Variants in MGST1 observed in about 807,000 individuals in gnomAD.
MGST1 encodes microsomal glutathione S-transferase 1.
A neutral mutation model predicts 8.9 loss-of-function variants in MGST1; 5 were observed. That is an observed-to-expected ratio of 0.56 (90% CI 0.29 to 1.19). The LOEUF (loss-of-function observed/expected upper bound fraction) is 1.19. MGST1 is among the 50% of genes most tolerant of loss of function. The pLI, the probability that MGST1 is intolerant of heterozygous loss-of-function variation, is 0.08. For missense variants in MGST1, 182 were observed against 187.4 expected, an observed-to-expected ratio of 0.97 and a Z score of 0.17; for synonymous variants, 54 against 67.8, an observed-to-expected ratio of 0.80 and a Z score of 1.00.
intron 4 of MGST1, among the ~76,000 whole-genome samples, chr12:16,469,359 T>G (rs904004587): frequency 6.6e-6 from 1 of 151,984 alleles, no homozygotes; most frequent in African/African-American, 2.4e-5. Context: ...CTAATTTTTT[T>G]TGTATTTTTA....
Position 16,362,602 on chromosome 12 carries a change from G to A in MGST1, c.222-1193G>A, listed in dbSNP as rs866747654. The A allele has an allele frequency of 6.6e-6, 1 of 152,130 alleles. No homozygotes were observed. The highest frequency in any genetic ancestry group is 1.5e-5 in the Non-Finnish European group (1 of 68,018). The allele number at this position is 152,130 out of a possible 1,614,324, so 9.4% of individuals were successfully genotyped here. A position where few individuals can be genotyped will look rare whatever the true frequency, so the allele number is the denominator to read the frequency against. On this transcript the variant is annotated intron_variant, in intron 3 of 3. Coordinates refer to ENST00000396210, the MANE Select transcript of MGST1 (RefSeq NM_020300.5). This position sits in a 1 kb window ranked among gnomAD's most constrained non-coding sequence, Gnocchi z 4.4. ...CTCCATTTCTAGCCTAGATTCTAAA[G>A]CAATTTCTAATTCTGTAGACTTAAG...
downstream of MGST1, among the ~76,000 whole-genome samples, chr12:16,591,171 T>C (rs530678916): frequency 6.6e-6 from 1 of 152,118 alleles, no homozygotes; most frequent in African/African-American, 2.4e-5. The surrounding 1 kb of genome is among the most constrained non-coding windows in gnomAD (Gnocchi z 4.1). Flanking sequence ...TGACTACCCC[T>C]TATTCTTGCC....
chr12:16,392,693 G>A (rs539291516), intron 1 of MGST1, among the ~76,000 whole-genome samples: 2 of 152,052 alleles, frequency 1.3e-5, no homozygotes, highest in South Asian at 4.2e-4. Flanking sequence ...AGTCATTTTG[G>A]AATACGGCCA....
chr12:16,465,171 G>A (rs1054657423), intron 4 of MGST1, among the ~76,000 whole-genome samples: 3 of 152,194 alleles, frequency 2.0e-5, no homozygotes, highest in Non-Finnish European at 4.4e-5. Flanking sequence ...CTTGTACAGG[G>A]AAGAAGAACT....
chr12:16,485,505 C>A (rs1375953537), intron 4 of MGST1, among the ~76,000 whole-genome samples: 2 of 152,154 alleles, frequency 1.3e-5, no homozygotes, highest in African/African-American at 4.8e-5. Context: ...ATTTTGGATT[C>A]ATTACTTTAC....
chr12:16,405,918 TAA>T (rs1940694888), intron 1 of MGST1, among the ~76,000 whole-genome samples: 1 of 152,166 alleles, frequency 6.6e-6, no homozygotes, highest in Non-Finnish European at 1.5e-5. Flanking sequence ...TTCAAAATAA[TAA>T]GAGTCATCTA....
chr12:16,382,646 AC>A (rs1436022463), upstream of MGST1, among the ~76,000 whole-genome samples: 3 of 152,094 alleles, frequency 2.0e-5, no homozygotes, highest in African/African-American at 7.2e-5. Flanking sequence ...TGCTGGGAGA[AC>A]CACTACTCTC....
chr12:16,420,743 C>T (rs565128414), intron 1 of MGST1, among the ~76,000 whole-genome samples: 1 of 152,144 alleles, frequency 6.6e-6, no homozygotes, highest in African/African-American at 2.4e-5. Flanking sequence ...TGAGAATGCT[C>T]TCTTCTGCTG....
chr12:16,476,693 G>T (rs529245236), intron 4 of MGST1, among the ~76,000 whole-genome samples: 3 of 152,080 alleles, frequency 2.0e-5, no homozygotes, highest in Non-Finnish European at 4.4e-5. Flanking sequence ...TTTTGATAAG[G>T]TCAGACTTGA....
intron 4 of MGST1, among the ~76,000 whole-genome samples, chr12:16,459,071 TAGAC>T (rs1418400605): frequency 5.3e-5 from 8 of 152,138 alleles, no homozygotes; most frequent in African/African-American, 1.4e-4. Context: ...AACTTTATGA[TAGAC>T]AGGACATTGG....
chr12:16,549,359 T>TAACCA (rs1460589896), intron 4 of MGST1: 6 of 152,394 alleles, frequency 3.9e-5, no homozygotes, highest in Non-Finnish European at 8.8e-5. Flanking sequence ...TGAAGACTCC[T>TAACCA]AACCATGAAG....
chr12:16,351,071 A>G (rs1268789682), intron 1 of MGST1, among the ~76,000 whole-genome samples: 1 of 152,188 alleles, frequency 6.6e-6, no homozygotes, highest in Non-Finnish European at 1.5e-5. Flanking sequence ...CTTTTGTTCC[A>G]TCAATACATA....
At chr12:16,491,255 G>T (rs1011581382) in intron 4 of MGST1, among the ~76,000 whole-genome samples, 2 of 152,132 alleles carry the variant, frequency 1.3e-5, no homozygotes, top group African/African-American at 4.8e-5. Context: ...ATTACCTTAT[G>T]TGTAAAATGG....
Position 16,362,914 on chromosome 12 carries a change from C to G in MGST1, c.222-881C>G, listed in dbSNP as rs575356393. 6.6e-6 allele frequency: 1 copy of G among 152,172 alleles called. No homozygotes were observed. The highest frequency in any genetic ancestry group is 2.4e-5 in the African/African-American group (1 of 41,420). The allele number at this position is 152,172 out of a possible 1,614,324, so 9.4% of individuals were successfully genotyped here. A position where few individuals can be genotyped will look rare whatever the true frequency, so the allele number is the denominator to read the frequency against. Reference sequence around the variant, plus strand: ...TACCACTGCACTTCAGCCTGAGCAACAGAGCAAGACCCCCTCTCTAAAAAC... The same window carrying G: ...TACCACTGCACTTCAGCCTGAGCAAGAGAGCAAGACCCCCTCTCTAAAAAC... On this transcript the variant is annotated intron_variant, in intron 3 of 3. Coordinates refer to ENST00000396210, the MANE Select transcript of MGST1 (RefSeq NM_020300.5). This position sits in a 1 kb window ranked among gnomAD's most constrained non-coding sequence, Gnocchi z 4.4.
downstream of MGST1, among the ~76,000 whole-genome samples, chr12:16,439,766 C>G (rs1369850845): frequency 6.6e-6 from 1 of 151,768 alleles, no homozygotes; most frequent in African/African-American, 2.4e-5. Context: ...TGTAATCTGG[C>G]CATAACCTGC....
At position 16,363,326 on chromosome 12, in the gene MGST1, G is replaced by A. The variant is rs3852575; in HGVS notation, c.222-469G>A. 0.28 allele frequency: 43,034 copies of A among 152,118 alleles called. 6,238 individuals carry two copies. Among genetic ancestry groups the A allele is most frequent in the Middle Eastern group, 0.31 (92 of 294 alleles). The allele number at this position is 152,118 out of a possible 1,614,324, so 9.4% of individuals were successfully genotyped here. A position where few individuals can be genotyped will look rare whatever the true frequency, so the allele number is the denominator to read the frequency against. On this transcript the variant is annotated intron_variant, in intron 3 of 3. Coordinates refer to ENST00000396210, the MANE Select transcript of MGST1 (RefSeq NM_020300.5). The surrounding 1 kb of genome is among the most constrained non-coding windows in gnomAD (Gnocchi z 4.6). ...AATTATTGGCAACCTAGTGGTTTGG[G>A]TTGGCAAGGATTCTGTCAATAATCA...
At chr12:16,525,756 AC>A (rs1253052403) in intron 4 of MGST1, among the ~76,000 whole-genome samples, 1 of 150,194 alleles carries the variant, frequency 6.7e-6, no homozygotes, top group Non-Finnish European at 1.5e-5. Flanking sequence ...TTACAGTCCC[AC>A]CAACAGTGTA....
chr12:16,486,331 CT>C (rs1941399026), intron 4 of MGST1, among the ~76,000 whole-genome samples: 1 of 152,202 alleles, frequency 6.6e-6, no homozygotes, highest in Admixed American at 6.5e-5. Context: ...GAATGCTCAG[CT>C]ATTAATCGAA....
chr12:16,588,244 A>C (rs1462824764), intron 4 of MGST1, among the ~76,000 whole-genome samples: 5 of 151,974 alleles, frequency 3.3e-5, no homozygotes. Context: ...CAATTTATAA[A>C]TATATACAAA....
Sources: allele counts gnomAD v4.1 joint callset (sites outside exome capture counted in the v4.1 genomes callset), GRCh38; gene constraint gnomAD v4.1.1; non-coding constraint Gnocchi (gnomAD v3.1); transcripts MANE v1.5; gene names NCBI Gene and HGNC (gene_info 2026-07-23, HGNC 2026-07-21).